Variants in FGF14 observed in about 807,000 individuals in gnomAD.
The protein encoded by FGF14 is fibroblast growth factor 14, also known as fibroblast growth factor homologous factor 4.
A neutral mutation model predicts 25.5 loss-of-function variants in FGF14; 5 were observed. That is an observed-to-expected ratio of 0.20 (90% CI 0.10 to 0.41). The LOEUF is 0.41. Ranked by LOEUF, FGF14 falls within the 10% of genes least tolerant of loss-of-function variation. The pLI is 1.00. For synonymous variants in FGF14, 138 were observed against 118.3 expected (o/e 1.17, Z -1.08); for missense variants, 222 against 320.1 (o/e 0.69, Z 2.34).
At chr13:102,028,105 A>G (rs989958744) in intron 1 of FGF14, among the ~76,000 whole-genome samples, 1 of 152,034 alleles carries the variant, frequency 6.6e-6, no homozygotes, top group Non-Finnish European at 1.5e-5. Context: ...AGAAAACCCC[A>G]TAAGAAGGGA....
intron 1 of FGF14, among the ~76,000 whole-genome samples, chr13:102,319,344 G>A (rs777743778): frequency 9.2e-5 from 14 of 152,118 alleles, no homozygotes; most frequent in Non-Finnish European, 1.5e-4. Flanking sequence ...CCTGGACTGG[G>A]GAACACACCC....
chr13:102,297,246 C>A, intron 1 of FGF14, among the ~76,000 whole-genome samples: 1 of 152,068 alleles, frequency 6.6e-6, no homozygotes, highest in East Asian at 1.9e-4. Context: ...AATACTTGAA[C>A]CAAAGCTCTT....
At chr13:101,803,706 T>C (rs1368760897) in intron 3 of FGF14, among the ~76,000 whole-genome samples, 1 of 152,180 alleles carries the variant, frequency 6.6e-6, no homozygotes, top group African/African-American at 2.4e-5. Flanking sequence ...CCTGTAGATG[T>C]GTCCTGGATG....
At chr13:101,899,825 C>A (rs2031283268) in intron 1 of FGF14, among the ~76,000 whole-genome samples, 1 of 151,852 alleles carries the variant, frequency 6.6e-6, no homozygotes, top group African/African-American at 2.4e-5. Context: ...ATATTTAATG[C>A]AGTTTGCTTC....
At chr13:102,297,697 G>A (rs989167194) in intron 1 of FGF14, among the ~76,000 whole-genome samples, 7 of 150,476 alleles carry the variant, frequency 4.7e-5, no homozygotes, top group African/African-American at 1.7e-4. Context: ...ACCAGTCTGG[G>A]CAATACAGCA....
intron 1 of FGF14, among the ~76,000 whole-genome samples, chr13:101,935,994 T>A (rs1471545928): frequency 6.6e-6 from 1 of 152,266 alleles, no homozygotes; most frequent in East Asian, 1.9e-4. Flanking sequence ...GAAGGGGAAA[T>A]TTTTAAGGTA....
intron 1 of FGF14, among the ~76,000 whole-genome samples, chr13:101,975,362 G>A (rs550803334): frequency 6.7e-4 from 102 of 152,098 alleles, no homozygotes; most frequent in Middle Eastern, 6.8e-3. Flanking sequence ...GGTGAAATTC[G>A]CTTATGCCTG....
At chr13:102,055,246 C>A (rs2140075474) in intron 1 of FGF14, among the ~76,000 whole-genome samples, 1 of 152,330 alleles carries the variant, frequency 6.6e-6, no homozygotes, top group African/African-American at 2.4e-5. Context: ...CATGCTGAGG[C>A]TCTTTTGATT....
At chr13:102,262,970 C>T in intron 1 of FGF14, 2 of 459,324 alleles carry the variant, frequency 4.4e-6, no homozygotes, top group Non-Finnish European at 7.9e-6. Context: ...GTGACATTTT[C>T]AGCTTGATAT....
chr13:102,113,005 T>C (rs1480911765), intron 1 of FGF14, among the ~76,000 whole-genome samples: 1 of 152,246 alleles, frequency 6.6e-6, no homozygotes, highest in African/African-American at 2.4e-5. Context: ...TATTTAGCTA[T>C]ACACTTTACT....
chr13:101,720,198 C>T lies in FGF14; in HGVS notation c.*2633G>A, dbSNP rs1490509603. On this transcript the variant is annotated 3_prime_UTR_variant, in exon 5 of 5. Transcript: ENST00000376143. The stretch of plus-strand genomic sequence containing the variant: ...ACAGTTCTTGATACACAGGTACCTA[C>T]TACATGCAGCTCATCATTGCTGTCC... 1 of 152,072 alleles carries T rather than the reference C, an allele frequency of 6.6e-6. No individual in the cohort carries two copies. Among genetic ancestry groups the T allele is most frequent in the Non-Finnish European group, 1.5e-5 (1 of 67,990 alleles). The allele number at this position is 152,072 out of a possible 1,614,324, so 9.4% of individuals were successfully genotyped here. A position where few individuals can be genotyped will look rare whatever the true frequency, so the allele number is the denominator to read the frequency against.
At chr13:101,760,231 AAGC>A (rs1276518689) in intron 3 of FGF14, among the ~76,000 whole-genome samples, 1 of 152,188 alleles carries the variant, frequency 6.6e-6, no homozygotes, top group Non-Finnish European at 1.5e-5. Context: ...GATTCTTTGA[AAGC>A]ATTTCAGTTC....
intron 1 of FGF14, among the ~76,000 whole-genome samples, chr13:101,883,678 C>A (rs1329552899): frequency 1.3e-5 from 2 of 151,914 alleles, no homozygotes; most frequent in Admixed American, 6.6e-5. Flanking sequence ...GGGCCAGAAA[C>A]GACTCTAAGT....
intron 1 of FGF14, among the ~76,000 whole-genome samples, chr13:102,072,369 C>A (rs930917224): frequency 2.1e-4 from 32 of 152,096 alleles, no homozygotes; most frequent in African/African-American, 7.2e-4. Flanking sequence ...GAAAAGGATA[C>A]ATAAATAAAT....
intron 1 of FGF14, among the ~76,000 whole-genome samples, chr13:102,355,774 A>G (rs2057403013): frequency 6.6e-6 from 1 of 152,126 alleles, no homozygotes; most frequent in African/African-American, 2.4e-5. Context: ...TATTTTGAAC[A>G]TAACGTATGT....
Position 102,292,192 on chromosome 13 carries a change from A to G in FGF14, c.208+109279T>C, listed in dbSNP as rs545155997. On this transcript the variant is annotated intron_variant, in intron 1 of 4. Transcript: ENST00000376131. ...CAGCCTTCTAGTTCTCATATCTTTC[A>G]TCATCCCAGAAATTGACAAAAACTG... The G allele has an allele frequency of 1.0e-4, 15 of 149,582 alleles. No individual in the cohort carries two copies. The South Asian group carries it at 2.9e-3, about 29-fold the overall frequency. The allele number at this position is 149,582 out of a possible 1,614,324, so 9.3% of individuals were successfully genotyped here.
chr13:101,958,128 T>C (rs1359441720), intron 1 of FGF14, among the ~76,000 whole-genome samples: 10 of 152,248 alleles, frequency 6.6e-5, no homozygotes, highest in Non-Finnish European at 1.3e-4. Context: ...GCCTTCCTCC[T>C]ACTCAGCTTT....
At chr13:102,029,470 T>A (rs888354620) in intron 1 of FGF14, among the ~76,000 whole-genome samples, 1 of 151,920 alleles carries the variant, frequency 6.6e-6, no homozygotes, top group Non-Finnish European at 1.5e-5. Flanking sequence ...ATTTGAAAAA[T>A]GAAACAACTT....
At chr13:101,874,876 A>G (rs967725590) in intron 2 of FGF14, among the ~76,000 whole-genome samples, 3 of 152,144 alleles carry the variant, frequency 2.0e-5, no homozygotes, top group Non-Finnish European at 4.4e-5. Context: ...ACCTAAATAC[A>G]CTAGTGTACT....
Sources: allele counts gnomAD v4.1 joint callset (sites outside exome capture counted in the v4.1 genomes callset), GRCh38; gene constraint gnomAD v4.1.1; transcripts MANE v1.5; gene names NCBI Gene and HGNC (gene_info 2026-07-23, HGNC 2026-07-21).